The following FN1 variants were observed in gnomAD, a reference collection of about 807,000 sequenced individuals.
FN1 encodes fibronectin 1.
A neutral mutation model predicts 297.3 loss-of-function variants in FN1; 106 were observed. The observed-to-expected ratio is 0.36, with a 90% CI of 0.30 to 0.42. The LOEUF (loss-of-function observed/expected upper bound fraction) is 0.42, where lower values mean the gene tolerates loss of function less well. FN1 is among the 10% of genes least tolerant of loss of function. FN1 has a pLI of 1.00. For missense variants in FN1, 2,690 were observed against 3,124.9 expected (o/e 0.86, Z 3.32); for synonymous variants, 1,149 against 1,152.6 (o/e 1.00, Z 0.06).
rs1247858987 is a variant in FN1, at chr2:215,399,270, C to A, written c.3335G>T (p.Arg1112Ile). Residue 1112 changes from arginine to isoleucine, a missense_variant, in exon 21 of 46, where the codon AGA becomes ATA. Arg to Ile is a moderately conservative substitution (Grantham distance 97). This residue lies in a region of FN1 where 1,743 missense variants were observed against 1,945.2 expected (regional missense o/e 0.90). Transcript: ENST00000354785. ...TCTGCAGTTTACCTTAAAACCAATT[C>A]TTGGAGCAGGCGTCCATGTGATCAC... ...TIVITWTPAP[R>I]IGFKLGVRPS... is the part of the protein sequence containing the mutation. 1.2e-6 allele frequency: 2 copies of A among 1,613,186 alleles called. No homozygotes were observed. The highest frequency in any genetic ancestry group is 1.3e-5 in the African/African-American group (1 of 74,880).
At chr2:215,384,775 A>ATT in intron 29 of FN1, 85 bp downstream of exon 29, 1 of 973,402 alleles carries the variant, frequency 1.0e-6, no homozygotes, top group Non-Finnish European at 1.7e-6. Flanking sequence ...AGTTTCTTTA[A>ATT]TTCTTTGTTC....
intron 6 of FN1, among the ~76,000 whole-genome samples, chr2:215,426,054 T>C (rs2065284245): frequency 6.6e-6 from 1 of 152,220 alleles, no homozygotes; most frequent in African/African-American, 2.4e-5. Flanking sequence ...TTTGTGATTC[T>C]ATTGTGTTTT....
intron 2 of FN1, among the ~76,000 whole-genome samples, chr2:215,434,323 G>GT (rs1244603465): frequency 4.6e-5 from 7 of 152,186 alleles, no homozygotes; most frequent in Admixed American, 4.6e-4. Flanking sequence ...ATTTTACGAT[G>GT]TAAGTCCCCA....
chr2:215,377,077 AGAGAGTGT>A (rs1559368191), intron 35 of FN1, among the ~76,000 whole-genome samples: 138 of 77,052 alleles, frequency 1.8e-3, no homozygotes, highest in Middle Eastern at 5.6e-3. Flanking sequence ...TGAGAGAGAG[AGAGAGTGT>A]GTGTGTGTGT....
rs1350920539 is a variant in FN1, at chr2:215,397,178, G to T, written c.3563C>A (p.Thr1188Asn). ...CTCCCAGGAGACTGTGAGCACTCCA[G>T]TGTCAGGGTTTGCCTCCAGATGCAA... ...TNLHLEANPD[T>N]GVLTVSWERS... The change falls in exon 23 of 46, where the codon ACT becomes AAT. Residue 1188 changes from threonine (T) to asparagine (N), a missense_variant. Thr to Asn is a moderately conservative substitution (Grantham distance 65, BLOSUM62 0). Coordinates refer to ENST00000354785, the MANE Select transcript of FN1 (RefSeq NM_212482.4). 1.9e-6 allele frequency: 3 copies of T among 1,614,036 alleles called. No homozygotes were observed. The highest frequency in any genetic ancestry group is 1.7e-6 in the Non-Finnish European group (2 of 1,179,916).
intron 27 of FN1, among the ~76,000 whole-genome samples, chr2:215,387,967 G>T (rs2059235626): frequency 6.6e-6 from 1 of 152,144 alleles, no homozygotes; most frequent in Admixed American, 6.5e-5. Context: ...GATCTTCTTA[G>T]AAAATGTTTT....
chr2:215,424,247 T>A lies in FN1; in HGVS notation c.1115A>T (p.Tyr372Phe). Reference protein sequence around the residue: ...LPFTYNGRTFYSCTTEGRQDG... With the variant: ...LPFTYNGRTFFSCTTEGRQDG... The stretch of plus-strand genomic sequence containing the variant: ...CTGTCGCCCTTCTGTGGTGCAGGAG[T>A]AGAACGTCCTGCCATTGTAGGTGAA... The change falls in exon 8 of 46, where the codon TAC (tyrosine) becomes TTC (phenylalanine). Residue 372 changes from tyrosine to phenylalanine, a missense_variant. Physicochemically the swap from Tyr to Phe is conservative, Grantham distance 22 (BLOSUM62 3). This residue lies in a region of FN1 where 876 missense variants were observed against 1,058.1 expected (regional missense o/e 0.83). Coordinates refer to ENST00000354785, the MANE Select transcript of FN1 (RefSeq NM_212482.4). 6.2e-7 allele frequency: 1 copy of A among 1,613,572 alleles called. No individual in the cohort carries two copies. Among genetic ancestry groups the A allele is most frequent in the Non-Finnish European group, 8.5e-7 (1 of 1,179,606 alleles).
intron 5 of FN1, among the ~76,000 whole-genome samples, chr2:215,429,050 GCAAA>G (rs1303006949): frequency 6.6e-6 from 1 of 151,622 alleles, no homozygotes; most frequent in Non-Finnish European, 1.5e-5. Context: ...AAAAAAACAA[GCAAA>G]CAAAAAAAAG....
At position 215,412,760 on chromosome 2, in the gene FN1, CTTTTT is replaced by C. The variant is rs10524797; in HGVS notation, c.1941+2072_1941+2076del. Among the ~76,000 whole-genome samples, 90 of 97,566 alleles carry C rather than the reference CTTTTT, an allele frequency of 9.2e-4. 1 individual carries two copies. Among genetic ancestry groups the C allele is most frequent in the East Asian group, 7.2e-3 (31 of 4,308 alleles). The allele number at this position is 97,566 out of a possible 152,430, so 64.0% of individuals were successfully genotyped here. A position where few individuals can be genotyped will look rare whatever the true frequency, so the allele number is the denominator to read the frequency against. On this transcript the variant is annotated intron_variant, in intron 13 of 45. Transcript: ENST00000354785. ...TAATTTAAAGTATTATATTAAGTAT[CTTTTT>C]TTTTTTTTTTTTTTTTTACTTCATC...
intron 43 of FN1, 113 bp downstream of exon 43, chr2:215,365,392 C>A (rs2054326120): frequency 1.8e-6 from 2 of 1,130,382 alleles, no homozygotes; most frequent in Admixed American, 3.4e-5. Flanking sequence ...ACCCACTGTT[C>A]ACTCCTCAAG....
At chr2:215,376,699 T>G in intron 35 of FN1, 25 bp from the exon 36 acceptor site, 6 of 1,609,876 alleles carry the variant, frequency 3.7e-6, no homozygotes, top group Non-Finnish European at 5.1e-6. Flanking sequence ...AGCTAGAGAT[T>G]AGTGCCTGCT....
intron 27 of FN1, among the ~76,000 whole-genome samples, 176 bp from the exon 28 acceptor site, chr2:215,387,134 G>T (rs1174311542): frequency 6.6e-6 from 1 of 152,126 alleles, no homozygotes; most frequent in Non-Finnish European, 1.5e-5. Context: ...AGCTACATAT[G>T]AATTTTAAAA....
At chr2:215,361,701 G>T in intron 45 of FN1, 75 bp from the exon 46 acceptor site, 1 of 1,197,132 alleles carries the variant, frequency 8.4e-7, no homozygotes, top group Non-Finnish European at 1.2e-6. Context: ...ATGCGGGGAG[G>T]TGGGGACTCA....
intron 9 of FN1, among the ~76,000 whole-genome samples, chr2:215,422,490 A>G (rs2064587348): frequency 6.6e-6 from 1 of 151,992 alleles, no homozygotes; most frequent in East Asian, 1.9e-4. Context: ...ATGTTAAACT[A>G]AGATAATATC....
At chr2:215,393,630 G>A (rs2059969950) in intron 24 of FN1, 1 of 151,972 alleles carries the variant, frequency 6.6e-6, no homozygotes, top group Non-Finnish European at 1.5e-5. Context: ...GCATGAAGAA[G>A]GTTAAAAAAT....
intron 5 of FN1, 60 bp downstream of exon 5, chr2:215,430,655 C>T (rs1393589927): frequency 6.3e-7 from 1 of 1,586,310 alleles, no homozygotes; most frequent in African/African-American, 1.3e-5. Context: ...TTACCCTTCT[C>T]TCTAGGAATC....
At position 215,409,986 on chromosome 2, in the gene FN1, T is replaced by C; in HGVS notation, c.2070A>G (p.Gln690=). ...TGGTGAAGTCAAAGCGAGTCACTTC[T>C]TGGTGGCCGTACTGCTGGATGCTGA... ...QLISIQQYGH[Q]EVTRFDFTTT... The change falls in exon 14 of 46, where the codon CAA becomes CAG. Residue 690 remains glutamine, a synonymous_variant. Transcript: ENST00000354785. The C allele has an allele frequency of 6.2e-7, 1 of 1,614,044 alleles. No individual in the cohort carries two copies. The highest frequency in any genetic ancestry group is 2.2e-5 in the East Asian group (1 of 44,872).
chr2:215,401,239 A>AAGGAAGGAAGGAAGGAAGG (rs1559475259), intron 20 of FN1, among the ~76,000 whole-genome samples: 25 of 65,668 alleles, frequency 3.8e-4, no homozygotes, highest in African/African-American at 1.1e-3. Context: ...AGAAAGAAAG[A>AAGGAAGGAAGGAAGGAAGG]AAGAAAGAAA....
At chr2:215,381,149 G>T in intron 32 of FN1, 69 bp from the exon 33 acceptor site, 2 of 1,514,638 alleles carry the variant, frequency 1.3e-6, no homozygotes, top group South Asian at 1.1e-5. Flanking sequence ...TTTATAACAT[G>T]CAAAGCAGTT....
Sources: gnomAD v4.1 joint callset for allele counts (sites outside exome capture counted in the v4.1 genomes callset) on GRCh38, gnomAD v4.1.1 for gene constraint, gnomAD v4.1.1 regional missense constraint, MANE v1.5 for transcripts, NCBI Gene and HGNC (gene_info 2026-07-23, HGNC 2026-07-21) for gene names.